LARS2: variants seen among roughly 807,000 people sequenced by gnomAD.
LARS2 encodes leucyl-tRNA synthetase 2, mitochondrial, also known as leucine--tRNA ligase, mitochondrial.
In LARS2, 81 loss-of-function variants were observed where a neutral mutation model predicts 116.6. That is an observed-to-expected ratio of 0.69 (90% confidence interval 0.58 to 0.84). The LOEUF is 0.84. Ranked by LOEUF, LARS2 falls within the 40% of genes least tolerant of loss-of-function variation. LARS2 has a pLI of 0.00. For synonymous variants in LARS2, 396 were observed against 407.2 expected (o/e 0.97, Z 0.33); for missense variants, 968 against 1,114.5 (o/e 0.87, Z 1.87).
At chr3:45,440,100 C>G (rs1698879242) in intron 6 of LARS2, among the ~76,000 whole-genome samples, 1 of 152,182 alleles carries the variant, frequency 6.6e-6, no homozygotes, top group Admixed American at 6.5e-5. Flanking sequence ...TTCTCATGAG[C>G]CTGTCTCTCC....
intron 10 of LARS2, among the ~76,000 whole-genome samples, chr3:45,478,055 C>T (rs1699642945): frequency 6.6e-6 from 1 of 152,128 alleles, no homozygotes; most frequent in South Asian, 2.1e-4. Context: ...GCCACTCGCC[C>T]CACACAAGGC....
chr3:45,458,592 C>T, intron 7 of LARS2, 151 bp from the exon 8 acceptor site: 2 of 688,344 alleles, frequency 2.9e-6, no homozygotes, highest in Non-Finnish European at 4.9e-6. Flanking sequence ...TGGGCTGAGG[C>T]AGGAGAATCA....
At chr3:45,438,857 A>G (rs1001136331) in intron 6 of LARS2, among the ~76,000 whole-genome samples, 1 of 151,652 alleles carries the variant, frequency 6.6e-6, no homozygotes. Flanking sequence ...CAAAACAAAG[A>G]AAAAACGATG....
chr3:45,535,472 C>T (rs955227836), intron 20 of LARS2, among the ~76,000 whole-genome samples: 3 of 152,184 alleles, frequency 2.0e-5, no homozygotes, highest in African/African-American at 7.2e-5. Flanking sequence ...AATGACCCAA[C>T]AGGCAACAGC....
intron 13 of LARS2, among the ~76,000 whole-genome samples, chr3:45,493,105 CTT>C (rs544848178): frequency 6.9e-6 from 1 of 145,562 alleles, no homozygotes; most frequent in African/African-American, 2.5e-5. Flanking sequence ...CCTGGATGAT[CTT>C]TTTTTTTTTT....
chr3:45,520,173 T>G, intron 18 of LARS2, 46 bp from the exon 19 acceptor site: 2 of 1,383,132 alleles, frequency 1.4e-6, no homozygotes, highest in Non-Finnish European at 2.1e-6. Context: ...TGTGGAAAGC[T>G]TAAAAGAATT....
At chr3:45,511,283 T>G (rs1373325313) in intron 15 of LARS2, among the ~76,000 whole-genome samples, 2 of 152,224 alleles carry the variant, frequency 1.3e-5, no homozygotes, top group Non-Finnish European at 2.9e-5. Flanking sequence ...GCTGAGGACC[T>G]GCCTGCCAGT....
rs1699795758 is a variant in LARS2 at position 45,485,719 on chromosome 3, A to G, written c.1046A>G (p.Asn349Ser). Residue 349 changes from asparagine (N) to serine (S), a missense_variant, in exon 11 of 22, where the codon AAC becomes AGC. Transcript: ENST00000645846. ...TGCCTCACGCCTGTAATGGCTGTGA[A>G]CATGCTTACCCAGCAGGAGGTCCCT... ...KDCLTPVMAV[N>S]MLTQQEVPVV... The G allele has an allele frequency of 1.4e-5, 23 of 1,610,994 alleles. No individual in the cohort carries two copies. The highest frequency in any genetic ancestry group is 2.0e-5 in the Non-Finnish European group (23 of 1,178,638).
Position 45,412,994 on chromosome 3 carries a change from C to T in LARS2, c.364-4488C>T, listed in dbSNP as rs537168666. ...CAAGAACAGCCGGGCTGCTTTTAAT[C>T]GAAGCACCTGATGTGAATCATTAAC... On this transcript the variant is annotated intron_variant, in intron 4 of 21. Transcript: ENST00000645846. Among the ~76,000 whole-genome samples, 13 of 152,304 alleles carry T rather than the reference C, an allele frequency of 8.5e-5. No homozygotes were observed. The East Asian group carries it at 1.2e-3, about 14-fold the overall frequency.
chr3:45,491,449 G>C, intron 12 of LARS2, 68 bp from the exon 13 acceptor site: 1 of 1,521,620 alleles, frequency 6.6e-7, no homozygotes, highest in South Asian at 1.2e-5. Flanking sequence ...GGCAGGACTG[G>C]TGGCAGCATC....
intron 4 of LARS2, among the ~76,000 whole-genome samples, chr3:45,401,955 A>G (rs914346423): frequency 1.3e-5 from 2 of 152,142 alleles, no homozygotes; most frequent in Non-Finnish European, 2.9e-5. Flanking sequence ...GCAACACATC[A>G]TCTTTAAGAT....
intron 4 of LARS2, among the ~76,000 whole-genome samples, chr3:45,407,659 C>A (rs1029244844): frequency 3.3e-5 from 5 of 152,166 alleles, no homozygotes; most frequent in African/African-American, 1.2e-4. Context: ...TCCAAAGACA[C>A]CATGACACTC....
intron 15 of LARS2, among the ~76,000 whole-genome samples, chr3:45,510,425 A>G (rs1452484116): frequency 6.6e-6 from 1 of 152,036 alleles, no homozygotes; most frequent in Non-Finnish European, 1.5e-5. Context: ...AAAAAAAATC[A>G]TCCTCCTACT....
intron 8 of LARS2, among the ~76,000 whole-genome samples, chr3:45,466,207 G>A (rs1446832699): frequency 6.6e-6 from 1 of 152,174 alleles, no homozygotes; most frequent in East Asian, 1.9e-4. Flanking sequence ...TTTCTTGGGT[G>A]TACAGGTCTT....
In LARS2 at chr3:45,465,987, G is replaced by A. The variant is rs116610496; in HGVS notation, c.750+7101G>A. On this transcript the variant is annotated intron_variant, in intron 8 of 21. Transcript: ENST00000645846. ...TAAAAGAAAACTTCTGCAGTCTCTG[G>A]GTCAGCAACCTGCTCTGCAAAGAGA... 8.6e-3 allele frequency among the ~76,000 whole-genome samples: 1,302 copies of A among 152,262 alleles called. 15 individuals are homozygous for A. The highest frequency in any genetic ancestry group is 0.022 in the African/African-American group (916 of 41,546).
At chr3:45,418,122 CG>C (rs1306805543) in intron 5 of LARS2, among the ~76,000 whole-genome samples, 30 of 152,170 alleles carry the variant, frequency 2.0e-4, no homozygotes, top group Non-Finnish European at 1.5e-5. Context: ...CGTGGGCCAG[CG>C]GTGCTCATTC....
intron 14 of LARS2, among the ~76,000 whole-genome samples, chr3:45,499,506 T>C (rs1354741787): frequency 1.3e-5 from 2 of 151,900 alleles, no homozygotes; most frequent in African/African-American, 4.8e-5. Context: ...TCTGTAGTCC[T>C]AGATACTTGG....
At chr3:45,523,285 T>TG (rs1250800648) in intron 19 of LARS2, among the ~76,000 whole-genome samples, 1 of 152,196 alleles carries the variant, frequency 6.6e-6, no homozygotes, top group Admixed American at 6.5e-5. Flanking sequence ...GAGGCCCCCC[T>TG]GCCCTAGGTG....
intron 20 of LARS2, among the ~76,000 whole-genome samples, chr3:45,535,119 C>A (rs987531064): frequency 5.9e-5 from 9 of 151,912 alleles, no homozygotes; most frequent in African/African-American, 2.2e-4. Context: ...TTTGGGAGGC[C>A]GAGGCAGACA....
Sources: allele counts gnomAD v4.1 joint callset (sites outside exome capture counted in the v4.1 genomes callset), GRCh38; gene constraint gnomAD v4.1.1; transcripts MANE v1.5; gene names NCBI Gene and HGNC (gene_info 2026-07-23, HGNC 2026-07-21).